The following FNIP2 variants were observed in gnomAD, a reference collection of about 807,000 sequenced individuals.
The protein encoded by FNIP2 is folliculin interacting protein 2.
FNIP2 carries 32 observed loss-of-function variants against 108.7 expected under a neutral mutation model. The observed-to-expected ratio is 0.29, with a 90% CI of 0.22 to 0.40. The LOEUF (loss-of-function observed/expected upper bound fraction) is 0.40, where lower values mean the gene tolerates loss of function less well. Among genes scored for constraint, FNIP2 ranks in the 10% least tolerant of loss-of-function variants. The pLI is 1.00. For synonymous variants in FNIP2, 480 were observed against 496.7 expected (o/e 0.97, Z 0.45); for missense variants, 1,202 against 1,381.6 (o/e 0.87, Z 2.06).
chr4:158,806,027 A>G lies in FNIP2; in HGVS notation c.108-19889A>G, dbSNP rs1303811101. 5.5e-6 allele frequency: 4 copies of G among 721,508 alleles called. No individual in the cohort carries two copies. In the Admixed American group the frequency reaches 1.5e-4, roughly 28 times the overall value. 44.7% of individuals were successfully genotyped at this position (721,508 alleles called of 1,614,324 possible). On this transcript the variant is annotated intron_variant, in intron 1 of 16. Transcript: ENST00000264433. ...TTGGCAGGCTTAATTTACGTAACAAATGAATGTTCCACCTTTTTTTTTTTT... is the reference window on the plus strand; with the variant it reads ...TTGGCAGGCTTAATTTACGTAACAAGTGAATGTTCCACCTTTTTTTTTTTT...
chr4:158,833,946 A>G, intron 6 of FNIP2: 6 of 1,143,826 alleles, frequency 5.2e-6, no homozygotes, highest in Non-Finnish European at 5.6e-6. Flanking sequence ...AATCCTGTGC[A>G]GGTTCTTAGG....
intron 8 of FNIP2, among the ~76,000 whole-genome samples, chr4:158,857,612 T>C (rs1423094305): frequency 1.3e-5 from 2 of 152,106 alleles, no homozygotes; most frequent in African/African-American, 4.8e-5. Context: ...TAGTAACACA[T>C]AATGAGGTTA....
Position 158,829,069 on chromosome 4 carries a change from CTT to C in FNIP2, c.235-9_235-8del, listed in dbSNP as rs780621531. The C allele has an allele frequency of 6.3e-7, 1 of 1,597,462 alleles. No homozygotes were observed. The highest frequency in any genetic ancestry group is 2.3e-5 in the East Asian group (1 of 44,184). ...GTAATCTTTTACCTTGCCTGTCTCT[CTT>C]AACCTAGAAAACAGAGGATGTTCCT... is the stretch of plus-strand genomic sequence containing the variant. On this transcript the variant is annotated splice_region_variant and splice_polypyrimidine_tract_variant and intron_variant, in intron 2 of 16. Transcript: ENST00000264433.
rs572672458 is a variant in FNIP2, at chr4:158,806,215, G to A, written c.108-19701G>A. ...TCTCCAAGTCCATGTTTATGGTCAG[G>A]ATAAACCAGAAGAACATTAAACCGT... On this transcript the variant is annotated intron_variant, in intron 1 of 16. Coordinates refer to ENST00000264433, the MANE Select transcript of FNIP2 (RefSeq NM_020840.3). 3 of 1,287,308 alleles carry A rather than the reference G, an allele frequency of 2.3e-6. No individual in the cohort carries two copies. In the African/African-American group the frequency reaches 4.6e-5, roughly 20 times the overall value. The allele number at this position is 1,287,308 out of a possible 1,614,324, so 79.7% of individuals were successfully genotyped here. A position where few individuals can be genotyped will look rare whatever the true frequency, so the allele number is the denominator to read the frequency against.
At chr4:158,870,798 T>C (rs1453187820) in intron 14 of FNIP2, among the ~76,000 whole-genome samples, 1 of 152,242 alleles carries the variant, frequency 6.6e-6, no homozygotes, top group African/African-American at 2.4e-5. Context: ...TTCTCTGGTC[T>C]CTTTCTGGTG....
chr4:158,835,360 C>A lies in FNIP2; in HGVS notation c.656-45C>A. On this transcript the variant is annotated intron_variant, in intron 6 of 16. Coordinates refer to ENST00000264433, the MANE Select transcript of FNIP2 (RefSeq NM_020840.3). ...ACTGCAGTCATTTTAAAAACTTTAT[C>A]TCTGAAGAGCCCAATAACATGGTTT... 1.9e-6 allele frequency: 3 copies of A among 1,561,828 alleles called. No individual in the cohort carries two copies. The South Asian group carries it at 3.4e-5, about 18-fold the overall frequency.
intron 1 of FNIP2, among the ~76,000 whole-genome samples, chr4:158,805,382 T>C (rs1172934107): frequency 1.3e-5 from 2 of 152,216 alleles, no homozygotes; most frequent in Admixed American, 1.3e-4. Flanking sequence ...ATTGATTCTG[T>C]AGCATTGTTC....
chr4:158,822,373 G>A (rs1777932452), intron 1 of FNIP2, among the ~76,000 whole-genome samples: 1 of 151,720 alleles, frequency 6.6e-6, no homozygotes, highest in African/African-American at 2.4e-5. Context: ...TAGTAAAGAT[G>A]GAGTTTCACC....
At chr4:158,835,379 A>C in intron 6 of FNIP2, 26 bp from the exon 7 acceptor site, 1 of 1,607,784 alleles carries the variant, frequency 6.2e-7, no homozygotes, top group Non-Finnish European at 8.5e-7. Context: ...GCCCAATAAC[A>C]TGGTTTTCTT....
At position 158,905,105 on chromosome 4, in the gene FNIP2, C is replaced by CTGTT. The variant is rs1334060423; in HGVS notation, c.*564_*567dup. 6.6e-6 allele frequency: 1 copy of CTGTT among 152,482 alleles called. No homozygotes were observed. Among genetic ancestry groups the CTGTT allele is most frequent in the Non-Finnish European group, 1.5e-5 (1 of 68,248 alleles). 9.4% of individuals were successfully genotyped at this position (152,482 alleles called of 1,614,324 possible). A position where few individuals can be genotyped will look rare whatever the true frequency, so the allele number is the denominator to read the frequency against. The stretch of plus-strand genomic sequence containing the variant: ...TCAGCTCCAGTGGCTTTAGCAGTGA[C>CTGTT]TGTTTGACATAAAACATGTAAGAAT... On this transcript the variant is annotated 3_prime_UTR_variant, in exon 17 of 17. Coordinates refer to ENST00000264433, the MANE Select transcript of FNIP2 (RefSeq NM_020840.3).
intron 1 of FNIP2, among the ~76,000 whole-genome samples, chr4:158,821,510 G>A (rs1012626230): frequency 7.9e-5 from 12 of 152,220 alleles, no homozygotes; most frequent in African/African-American, 2.9e-4. Context: ...TTGGTTGAAT[G>A]TAGAAGTGAA....
intron 7 of FNIP2, among the ~76,000 whole-genome samples, chr4:158,838,302 C>T (rs1778924308): frequency 7.1e-6 from 1 of 141,512 alleles, no homozygotes. Context: ...CTCACTGTAA[C>T]CTCTGCCTCC....
chr4:158,899,498 T>C (rs370801745), intron 16 of FNIP2, among the ~76,000 whole-genome samples: 1 of 152,240 alleles, frequency 6.6e-6, no homozygotes, highest in Non-Finnish European at 1.5e-5. Flanking sequence ...TTTTGGTTGG[T>C]AGGCTATTAA....
Position 158,891,657 on chromosome 4 carries a change from G to T in FNIP2, c.3150+11G>T. ...CTCCCTGCTGATTTTGTAAGTACTG[G>T]TTCTTATATCACCAAAGAAATCTAG... On this transcript the variant is annotated intron_variant, in intron 15 of 16. Coordinates refer to ENST00000264433, the MANE Select transcript of FNIP2 (RefSeq NM_020840.3). 1 of 1,596,436 alleles carries T rather than the reference G, an allele frequency of 6.3e-7. No individual in the cohort carries two copies. Among genetic ancestry groups the T allele is most frequent in the Non-Finnish European group, 8.6e-7 (1 of 1,168,678 alleles).
Position 158,868,130 on chromosome 4 carries a change from A to T in FNIP2, c.1494A>T (p.Pro498=), listed in dbSNP as rs746229793. 1.2e-6 allele frequency: 2 copies of T among 1,613,918 alleles called. No homozygotes were observed. The highest frequency in any genetic ancestry group is 4.5e-5 in the East Asian group (2 of 44,904). The change falls in exon 13 of 17, where the codon CCA becomes CCT. Residue 498 remains proline, a synonymous_variant. Transcript: ENST00000264433. The surrounding 1 kb of genome is among the most constrained non-coding windows in gnomAD (Gnocchi z 4.6). ...ATCTTTACGGAGCCATAGGCTCTCC[A>T]GTGAGACTGACTCGCACCGTAGTGG... The part of the protein sequence containing the change: ...LGDLYGAIGS[P]VRLTRTVVVG...
rs191834596 is a variant in FNIP2, at chr4:158,776,858, A to G, written c.107+7539A>G. 1.5e-4 allele frequency among the ~76,000 whole-genome samples: 23 copies of G among 152,316 alleles called. No homozygotes were observed. In the East Asian group the frequency reaches 4.4e-3, roughly 29 times the overall value. ...CTTAAAGAGTCTCTAGTATTCCAGA[A>G]TCTGATCTCTTGAAATATTTCTTGA... On this transcript the variant is annotated intron_variant, in intron 1 of 16. Transcript: ENST00000264433.
At chr4:158,790,253 G>A (rs992746157) in intron 1 of FNIP2, among the ~76,000 whole-genome samples, 7 of 150,726 alleles carry the variant, frequency 4.6e-5, no homozygotes, top group African/African-American at 1.7e-4. Flanking sequence ...GAGGGATTTG[G>A]AGTTTTTTCA....
chr4:158,781,075 G>A (rs751530170), intron 1 of FNIP2, among the ~76,000 whole-genome samples: 1 of 151,294 alleles, frequency 6.6e-6, no homozygotes, highest in Admixed American at 6.6e-5. Flanking sequence ...TGAAGTCTAA[G>A]TACTATTTCT....
intron 14 of FNIP2, chr4:158,872,583 G>T: frequency 1.0e-6 from 1 of 985,040 alleles, no homozygotes; most frequent in Non-Finnish European, 1.2e-6. Flanking sequence ...AATTCCAAAG[G>T]GTTCATAAAA....
Sources: allele counts gnomAD v4.1 joint callset (sites outside exome capture counted in the v4.1 genomes callset), GRCh38; gene constraint gnomAD v4.1.1; non-coding constraint Gnocchi (gnomAD v3.1); transcripts MANE v1.5; gene names NCBI Gene and HGNC (gene_info 2026-07-23, HGNC 2026-07-21).